Variants in RAB3IP observed in about 807,000 individuals in gnomAD.
RAB3IP encodes the protein RAB3A interacting protein.
RAB3IP carries 36 observed loss-of-function variants against 59.1 expected under a neutral mutation model. That is an observed-to-expected ratio of 0.61 (90% confidence interval 0.47 to 0.80). The LOEUF is 0.80. Among genes scored for constraint, RAB3IP ranks in the 30% least tolerant of loss-of-function variants. The pLI is 0.00. For synonymous variants in RAB3IP, 207 were observed against 191.2 expected (o/e 1.08, Z -0.68); for missense variants, 511 against 536.0 (o/e 0.95, Z 0.46).
intron 2 of RAB3IP, among the ~76,000 whole-genome samples, 189 bp from the exon 3 acceptor site, chr12:69,756,216 T>C (rs1870187536): frequency 1.3e-5 from 2 of 152,224 alleles, no homozygotes; most frequent in African/African-American, 2.4e-5. Flanking sequence ...CTATCTAATA[T>C]GAATGATAGG....
intron 3 of RAB3IP, among the ~76,000 whole-genome samples, chr12:69,780,200 A>G (rs1874444284): frequency 6.6e-6 from 1 of 152,192 alleles, no homozygotes; most frequent in Non-Finnish European, 1.5e-5. Context: ...GCTTAGACAG[A>G]TGCATGTTTC....
chr12:69,792,401 C>G (rs1256652515), intron 4 of RAB3IP, among the ~76,000 whole-genome samples: 1 of 152,138 alleles, frequency 6.6e-6, no homozygotes, highest in African/African-American at 2.4e-5. Context: ...AACAGCCACA[C>G]TAATTTGTGT....
chr12:69,748,432 C>A (rs1868694488), intron 1 of RAB3IP, among the ~76,000 whole-genome samples: 1 of 152,098 alleles, frequency 6.6e-6, no homozygotes, highest in African/African-American at 2.4e-5. Context: ...TTCTTAGCAC[C>A]ACTATCTGAC....
chr12:69,809,742 C>T (rs1880101323), intron 8 of RAB3IP, among the ~76,000 whole-genome samples: 1 of 152,204 alleles, frequency 6.6e-6, no homozygotes, highest in Non-Finnish European at 1.5e-5. Flanking sequence ...CCATGGTTTT[C>T]AGCTCCATCA....
At chr12:69,757,879 C>T (rs1870484236) in intron 3 of RAB3IP, among the ~76,000 whole-genome samples, 1 of 152,146 alleles carries the variant, frequency 6.6e-6, no homozygotes, top group Non-Finnish European at 1.5e-5. Context: ...TCTTTGAGAA[C>T]ACATGGTTAT....
chr12:69,807,089 G>A (rs957010666), intron 8 of RAB3IP, among the ~76,000 whole-genome samples: 3 of 152,194 alleles, frequency 2.0e-5, no homozygotes, highest in Non-Finnish European at 2.9e-5. Flanking sequence ...GACGGTCGCT[G>A]TCTCTTCGGA....
intron 3 of RAB3IP, among the ~76,000 whole-genome samples, chr12:69,770,772 T>C (rs903797016): frequency 6.6e-5 from 10 of 152,142 alleles, no homozygotes; most frequent in African/African-American, 2.4e-4. Flanking sequence ...TATTTACACA[T>C]ACACATATAC....
chr12:69,811,042 C>G (rs1472401355), intron 8 of RAB3IP, among the ~76,000 whole-genome samples: 2 of 152,142 alleles, frequency 1.3e-5, no homozygotes, highest in Non-Finnish European at 2.9e-5. Context: ...CCATGGAATA[C>G]TATACAGCCA....
intron 4 of RAB3IP, among the ~76,000 whole-genome samples, chr12:69,793,966 T>C (rs1034533214): frequency 6.6e-6 from 1 of 152,202 alleles, no homozygotes; most frequent in Non-Finnish European, 1.5e-5. Context: ...AATAAAATTT[T>C]GGGAATGTTT....
Position 69,822,648 on chromosome 12 carries a change from A to G in RAB3IP, c.*7202A>G, listed in dbSNP as rs1473640510. Reference sequence around the variant, plus strand: ...GTAAATACAGTTAATAATTTATTGTATATTTCACAATAAAGGAGTGGATTT... The same window carrying G: ...GTAAATACAGTTAATAATTTATTGTGTATTTCACAATAAAGGAGTGGATTT... On this transcript the variant is annotated 3_prime_UTR_variant, in exon 11 of 11. Coordinates refer to ENST00000247833, the MANE Select transcript of RAB3IP (RefSeq NM_022456.5). 2 of 152,174 alleles carry G rather than the reference A, an allele frequency of 1.3e-5. No individual in the cohort carries two copies. Among genetic ancestry groups the G allele is most frequent in the South Asian group, 4.1e-4 (2 of 4,826 alleles). 9.4% of individuals were successfully genotyped at this position (152,174 alleles called of 1,614,324 possible).
rs1001583877 is a variant in RAB3IP, at chr12:69,739,015, C to T, written c.-42C>T. 1 of 152,100 alleles carries T rather than the reference C, an allele frequency of 6.6e-6. No individual in the cohort carries two copies. Among genetic ancestry groups the T allele is most frequent in the African/African-American group, 2.4e-5 (1 of 41,432 alleles). The allele number at this position is 152,100 out of a possible 1,614,324, so 9.4% of individuals were successfully genotyped here. ...AGCGCCCCTGAGCGCCGGCAGCGGC[C>T]GCGGTGGGTTCTTCAGGTGAGTGCG... is the stretch of plus-strand genomic sequence containing the variant. On this transcript the variant is annotated 5_prime_UTR_variant, in exon 1 of 11. Transcript: ENST00000247833.
At chr12:69,787,298 A>G (rs74878381) in intron 4 of RAB3IP, among the ~76,000 whole-genome samples, 6,748 of 152,228 alleles carry the variant, frequency 0.044, 157 homozygotes, top group Non-Finnish European at 0.048. Context: ...GATAATATAA[A>G]ATTAAGTCAG....
At chr12:69,768,373 T>G (rs966931667) in intron 3 of RAB3IP, among the ~76,000 whole-genome samples, 1 of 152,140 alleles carries the variant, frequency 6.6e-6, no homozygotes, top group Non-Finnish European at 1.5e-5. Flanking sequence ...TGCACCACAA[T>G]CTATGTCCAT....
chr12:69,749,281 T>C (rs1244510822), intron 1 of RAB3IP, among the ~76,000 whole-genome samples: 2 of 152,188 alleles, frequency 1.3e-5, no homozygotes, highest in Admixed American at 1.3e-4. Flanking sequence ...GGGATCTAGG[T>C]TGCATGCTTC....
intron 8 of RAB3IP, among the ~76,000 whole-genome samples, chr12:69,802,169 G>A (rs7965272): frequency 0.89 from 134,646 of 151,524 alleles, 59,984 homozygotes; most frequent in Admixed American, 0.93. Flanking sequence ...ACGTATATGT[G>A]TAGCCATGTG....
chr12:69,750,872 G>A (rs911917194), intron 1 of RAB3IP, among the ~76,000 whole-genome samples: 1 of 151,802 alleles, frequency 6.6e-6, no homozygotes, highest in Non-Finnish European at 1.5e-5. Flanking sequence ...CATTCTGATT[G>A]ATTAACTATA....
chr12:69,792,872 C>T (rs555956059), intron 4 of RAB3IP, among the ~76,000 whole-genome samples: 14 of 152,304 alleles, frequency 9.2e-5, no homozygotes, highest in South Asian at 4.1e-4. Flanking sequence ...CTTTTCTAAT[C>T]GTTCTCCGTT....
intron 3 of RAB3IP, among the ~76,000 whole-genome samples, chr12:69,775,297 T>C (rs1258912878): frequency 7.8e-6 from 1 of 128,270 alleles, no homozygotes; most frequent in Non-Finnish European, 1.6e-5. Flanking sequence ...GCTTATCAGC[T>C]TAAGGAGATT....
chr12:69,744,691 CAAAA>C (rs11302589), intron 1 of RAB3IP, among the ~76,000 whole-genome samples: 24 of 130,012 alleles, frequency 1.8e-4, no homozygotes, highest in African/African-American at 1.7e-4. Flanking sequence ...GACTGCATCT[CAAAA>C]AAAAAAAAAA....
Sources: gnomAD v4.1 joint callset for allele counts (sites outside exome capture counted in the v4.1 genomes callset) on GRCh38, gnomAD v4.1.1 for gene constraint, MANE v1.5 for transcripts, NCBI Gene and HGNC (gene_info 2026-07-23, HGNC 2026-07-21) for gene names.